TSPAN15: variants seen among roughly 807,000 people sequenced by gnomAD.
TSPAN15 encodes the protein tetraspanin 15, also known as tetraspanin-15.
TSPAN15 carries 20 observed loss-of-function variants against 34.5 expected under a neutral mutation model. That is an observed-to-expected ratio of 0.58 (90% CI 0.41 to 0.84). The LOEUF (loss-of-function observed/expected upper bound fraction) is 0.84, where lower values mean the gene tolerates loss of function less well. Ranked by LOEUF, TSPAN15 falls within the 40% of genes least tolerant of loss-of-function variation. TSPAN15 has a pLI of 0.00. For synonymous variants in TSPAN15, 155 were observed against 153.9 expected (o/e 1.01, Z -0.05); for missense variants, 313 against 386.1 (o/e 0.81, Z 1.59).
chr10:69,503,696 G>T (rs72811748), intron 5 of TSPAN15, among the ~76,000 whole-genome samples: 11,652 of 152,080 alleles, frequency 0.077, 568 homozygotes, highest in East Asian at 0.11. Flanking sequence ...CAGCGGGGCT[G>T]GGGGGGACGG....
downstream of TSPAN15, among the ~76,000 whole-genome samples, chr10:69,508,990 G>A (rs1055012222): frequency 1.1e-4 from 16 of 152,202 alleles, no homozygotes; most frequent in African/African-American, 3.1e-4. Flanking sequence ...TTGACCTAAT[G>A]GACACAAGGC....
chr10:69,545,577 C>A, the TSPAN15 span, among the ~76,000 whole-genome samples: 1 of 152,196 alleles, frequency 6.6e-6, no homozygotes, highest in Admixed American at 6.5e-5. Context: ...CAAAAGCAGG[C>A]ACCAGGATTT....
chr10:69,464,788 G>T (rs759133864), intron 1 of TSPAN15, among the ~76,000 whole-genome samples: 1 of 152,142 alleles, frequency 6.6e-6, no homozygotes, highest in African/African-American at 2.4e-5. Context: ...CCCAGCATGT[G>T]CCCCTGGTTC....
chr10:69,479,495 T>C (rs10998829), intron 1 of TSPAN15, among the ~76,000 whole-genome samples: 2,603 of 152,336 alleles, frequency 0.017, 79 homozygotes, highest in African/African-American at 0.06. Context: ...ACTTTCCCTC[T>C]TTGGCCCCAA....
chr10:69,471,602 C>A (rs1841508792), intron 1 of TSPAN15, among the ~76,000 whole-genome samples: 1 of 143,936 alleles, frequency 6.9e-6, no homozygotes, highest in East Asian at 2.3e-4. Flanking sequence ...CCTCTTCCCT[C>A]CCCTCCCCTC....
chr10:69,532,187 A>G, the TSPAN15 span, among the ~76,000 whole-genome samples: 4 of 152,032 alleles, frequency 2.6e-5, no homozygotes, highest in African/African-American at 4.8e-5. Flanking sequence ...AAATTGTTTT[A>G]GAATATGGAA....
chr10:69,477,616 A>G (rs571068078), intron 1 of TSPAN15, among the ~76,000 whole-genome samples: 1 of 152,250 alleles, frequency 6.6e-6, no homozygotes, highest in Non-Finnish European at 1.5e-5. Flanking sequence ...CTTGCTAGCC[A>G]CACGTGGCTC....
the TSPAN15 span, among the ~76,000 whole-genome samples, chr10:69,544,910 G>A: frequency 9.9e-3 from 1,500 of 152,256 alleles, 9 homozygotes; most frequent in Middle Eastern, 0.017. Context: ...AAAAGCCAGC[G>A]GCCTGGAGGC....
chr10:69,485,074 G>T (rs1476472936), intron 2 of TSPAN15, 67 bp from the exon 3 acceptor site: 1 of 1,458,678 alleles, frequency 6.9e-7, no homozygotes, highest in Non-Finnish European at 9.6e-7. Flanking sequence ...AGCAGATGGT[G>T]CCTCCCCTGT....
At chr10:69,516,029 A>C in the TSPAN15 span, among the ~76,000 whole-genome samples, 1 of 152,344 alleles carries the variant, frequency 6.6e-6, no homozygotes, top group East Asian at 1.9e-4. Context: ...AAGAGTGATC[A>C]TTTTGTGAAG....
the TSPAN15 span, among the ~76,000 whole-genome samples, chr10:69,517,070 T>G: frequency 1.3e-5 from 2 of 152,184 alleles, no homozygotes; most frequent in East Asian, 3.9e-4. Context: ...CCTTCTCCTC[T>G]CCAGAAGGGG....
At chr10:69,459,305 G>A (rs750843316) in intron 1 of TSPAN15, among the ~76,000 whole-genome samples, 3 of 152,152 alleles carry the variant, frequency 2.0e-5, no homozygotes, top group Admixed American at 1.3e-4. Flanking sequence ...CTGTGATACC[G>A]TGATAGGTGT....
intron 5 of TSPAN15, among the ~76,000 whole-genome samples, chr10:69,501,439 C>T (rs1293089069): frequency 1.3e-5 from 2 of 152,182 alleles, no homozygotes; most frequent in South Asian, 2.1e-4. Context: ...TGAAACAGGG[C>T]GTTCGCTTCC....
chr10:69,452,853 C>T (rs1841004491), intron 1 of TSPAN15, among the ~76,000 whole-genome samples: 1 of 152,212 alleles, frequency 6.6e-6, no homozygotes, highest in Admixed American at 6.5e-5. Flanking sequence ...ACACACTCTC[C>T]CCTGGTGTCC....
chr10:69,490,878 T>C (rs1648276558), intron 3 of TSPAN15, among the ~76,000 whole-genome samples: 2 of 152,252 alleles, frequency 1.3e-5, no homozygotes, highest in Non-Finnish European at 1.5e-5. Flanking sequence ...TTCCATCCAC[T>C]GTTGTTTGAA....
chr10:69,530,814 CTCTCTCTATATATATATA>C, the TSPAN15 span, among the ~76,000 whole-genome samples: 120 of 61,318 alleles, frequency 2.0e-3, no homozygotes, highest in African/African-American at 5.1e-3. Context: ...CTCTCTCTCT[CTCTCTCTATATATATATA>C]TATATATATA....
At chr10:69,515,811 C>T in the TSPAN15 span, among the ~76,000 whole-genome samples, 1 of 152,184 alleles carries the variant, frequency 6.6e-6, no homozygotes, top group Non-Finnish European at 1.5e-5. Flanking sequence ...GACATGTGGT[C>T]GCTAGGTGGC....
At chr10:69,505,064 T>G (rs532704207) in intron 6 of TSPAN15, among the ~76,000 whole-genome samples, 2 of 152,284 alleles carry the variant, frequency 1.3e-5, no homozygotes, top group Admixed American at 1.3e-4. Flanking sequence ...AGTGGGTGAT[T>G]CTGACACATG....
the TSPAN15 span, among the ~76,000 whole-genome samples, chr10:69,537,870 A>G: frequency 5.3e-5 from 8 of 152,214 alleles, no homozygotes; most frequent in Non-Finnish European, 8.8e-5. Context: ...GTCTTAGTTC[A>G]GGCTGCTATA....
Sources: allele counts gnomAD v4.1 joint callset (sites outside exome capture counted in the v4.1 genomes callset), GRCh38; gene constraint gnomAD v4.1.1; transcripts MANE v1.5; gene names NCBI Gene and HGNC (gene_info 2026-07-23, HGNC 2026-07-21).